FBXL13: variants seen among roughly 807,000 people sequenced by gnomAD.
The protein encoded by FBXL13 is F-box and leucine rich repeat protein 13, also known as F-box and leucine-rich repeat protein 13.
Under a neutral mutation model 83.6 loss-of-function variants are expected in FBXL13, and 67 were observed. That is an observed-to-expected ratio of 0.80 (90% CI 0.66 to 0.98). FBXL13 has a LOEUF of 0.98. Ranked by LOEUF, FBXL13 falls within the 50% of genes least tolerant of loss-of-function variation. FBXL13 has a pLI of 0.00. For synonymous variants in FBXL13, 272 were observed against 299.5 expected, an observed-to-expected ratio of 0.91 and a Z score of 0.95; for missense variants, 822 against 866.5, an observed-to-expected ratio of 0.95 and a Z score of 0.64.
At chr7:103,054,390 GA>G (rs5886240) in intron 2 of FBXL13, among the ~76,000 whole-genome samples, 5,120 of 120,458 alleles carry the variant, frequency 0.043, 271 homozygotes, top group African/African-American at 0.14. Context: ...ACTCCGTCTG[GA>G]AAAAAAAAAA....
chr7:103,060,204 C>T lies in FBXL13; in HGVS notation c.-104-4457G>A, dbSNP rs981603522. Among the ~76,000 whole-genome samples, 9 of 151,154 alleles carry T rather than the reference C, an allele frequency of 6.0e-5. 1 individual carries two copies. The highest frequency in any genetic ancestry group is 2.0e-4 in the Admixed American group (3 of 15,178). On this transcript the variant is annotated intron_variant, in intron 1 of 19. Transcript: ENST00000313221. Reference sequence around the variant, plus strand: ...CCTCCCAAGGAGCTAGGACTACAGGCATGAGCCCCCAAACTCACTTAATTT... The same window carrying T: ...CCTCCCAAGGAGCTAGGACTACAGGTATGAGCCCCCAAACTCACTTAATTT...
intron 7 of FBXL13, among the ~76,000 whole-genome samples, chr7:102,967,300 T>C (rs2129480618): frequency 6.7e-6 from 1 of 149,274 alleles, no homozygotes; most frequent in Middle Eastern, 3.4e-3. Flanking sequence ...TGATACAGAG[T>C]CTTGCTCTGT....
intron 16 of FBXL13, among the ~76,000 whole-genome samples, chr7:102,876,637 G>A (rs1809312233): frequency 6.6e-6 from 1 of 152,140 alleles, no homozygotes; most frequent in South Asian, 2.1e-4. Context: ...TGGGGCTGGA[G>A]ATGCAAGCAG....
intron 7 of FBXL13, among the ~76,000 whole-genome samples, chr7:102,965,967 T>C (rs1825927189): frequency 6.6e-6 from 1 of 152,158 alleles, no homozygotes; most frequent in African/African-American, 2.4e-5. Flanking sequence ...CTGGTGCCAT[T>C]TTGTAGAAGC....
At chr7:103,055,223 TAG>T in intron 2 of FBXL13, 45 bp from the exon 3 acceptor site, 6 of 1,039,226 alleles carry the variant, frequency 5.8e-6, no homozygotes, top group Non-Finnish European at 7.7e-6. Context: ...TTTCATTAAT[TAG>T]TTAGTTCCGT....
chr7:103,072,463 G>T (rs1158947731), intron 1 of FBXL13, among the ~76,000 whole-genome samples: 1 of 152,116 alleles, frequency 6.6e-6, no homozygotes, highest in Non-Finnish European at 1.5e-5. Context: ...CAGTAAGCTG[G>T]TAAGGAAGGA....
chr7:102,830,829 AT>A (rs1193504596), intron 18 of FBXL13, among the ~76,000 whole-genome samples: 1 of 152,200 alleles, frequency 6.6e-6, no homozygotes, highest in Non-Finnish European at 1.5e-5. Flanking sequence ...TTTCAAAAAA[AT>A]TTCTTAGTTT....
intron 2 of FBXL13, among the ~76,000 whole-genome samples, chr7:103,039,987 T>C (rs1187016162): frequency 2.0e-5 from 3 of 151,816 alleles, no homozygotes; most frequent in African/African-American, 7.3e-5. Context: ...TAACTTTAAA[T>C]GTAAATGGGC....
chr7:102,905,954 T>G (rs193119631), intron 11 of FBXL13, among the ~76,000 whole-genome samples: 15 of 152,284 alleles, frequency 9.9e-5, no homozygotes, highest in Non-Finnish European at 1.0e-4. Flanking sequence ...AAGACGTACC[T>G]GAGACTGGGA....
At chr7:102,922,746 G>A (rs2129471134) in intron 10 of FBXL13, among the ~76,000 whole-genome samples, 1 of 152,244 alleles carries the variant, frequency 6.6e-6, no homozygotes, top group East Asian at 1.9e-4. Context: ...GCCGAGGCGG[G>A]CGGATCACGA....
chr7:102,945,886 A>T (rs918345806), intron 8 of FBXL13, among the ~76,000 whole-genome samples: 2 of 149,604 alleles, frequency 1.3e-5, no homozygotes, highest in African/African-American at 4.9e-5. Context: ...AGTATTAGGC[A>T]TTTTTTTTTT....
At chr7:102,939,512 C>T in intron 8 of FBXL13, 1 of 1,613,888 alleles carries the variant, frequency 6.2e-7, no homozygotes, top group Non-Finnish European at 8.5e-7. Context: ...AACTTCGACC[C>T]AAGGAATTTG....
intron 2 of FBXL13, among the ~76,000 whole-genome samples, chr7:103,049,277 G>A (rs1796582369): frequency 6.6e-6 from 1 of 152,168 alleles, no homozygotes; most frequent in Non-Finnish European, 1.5e-5. Context: ...GGTCAAAGCA[G>A]TTTATGGCCT....
chr7:102,990,856 G>A (rs2129484453), intron 6 of FBXL13, among the ~76,000 whole-genome samples: 1 of 152,326 alleles, frequency 6.6e-6, no homozygotes, highest in East Asian at 1.9e-4. Context: ...TACAGCCAAG[G>A]GCTCGTCTGG....
chr7:103,069,255 G>A (rs766990848), intron 1 of FBXL13, among the ~76,000 whole-genome samples: 5 of 152,138 alleles, frequency 3.3e-5, no homozygotes, highest in Non-Finnish European at 7.4e-5. Context: ...TGGGAAGTGA[G>A]GAGCGCCTCT....
rs1821595211 is a variant in FBXL13, at chr7:102,942,220, A to G, written c.725-10287T>C. On this transcript the variant is annotated intron_variant, in intron 8 of 19. Transcript: ENST00000313221. ...TAGAACAAAAGTTCTTTTGAAACAA[A>G]AAAGTATCTTGGCAGTTAAGGCAAA... 3 of 1,256,238 alleles carry G rather than the reference A, an allele frequency of 2.4e-6. No individual in the cohort carries two copies. The East Asian group carries it at 7.3e-5, about 30-fold the overall frequency. 77.8% of individuals were successfully genotyped at this position (1,256,238 alleles called of 1,614,324 possible).
At chr7:102,976,146 G>C in intron 6 of FBXL13, 2 of 766,404 alleles carry the variant, frequency 2.6e-6, no homozygotes, top group South Asian at 2.7e-5. Flanking sequence ...CAGCCTTGCC[G>C]CTGAAGACTG....
At chr7:102,928,611 C>T (rs79965681) in intron 9 of FBXL13, among the ~76,000 whole-genome samples, 7,974 of 152,194 alleles carry the variant, frequency 0.052, 279 homozygotes, top group South Asian at 0.13. Flanking sequence ...ATTAGAGGGC[C>T]AAACTCAAAG....
intron 10 of FBXL13, among the ~76,000 whole-genome samples, chr7:102,918,905 C>T (rs902505641): frequency 3.3e-5 from 5 of 152,140 alleles, no homozygotes; most frequent in African/African-American, 1.2e-4. Flanking sequence ...TATATATACA[C>T]ATACACACAT....
Sources: allele counts gnomAD v4.1 joint callset (sites outside exome capture counted in the v4.1 genomes callset), GRCh38; gene constraint gnomAD v4.1.1; transcripts MANE v1.5; gene names NCBI Gene and HGNC (gene_info 2026-07-23, HGNC 2026-07-21).